Variants in METTL15 observed in about 807,000 individuals in gnomAD.
METTL15 encodes methyltransferase 15, mitochondrial 12S rRNA N4-cytidine, also known as 12S rRNA N(4)-cytidine methyltransferase METTL15.
In METTL15, 34 loss-of-function variants were observed where a neutral mutation model predicts 38.3. The ratio of observed to expected loss-of-function variants is 0.89; its 90% confidence interval spans 0.68 to 1.18. The LOEUF is 1.18. Ranked by LOEUF, METTL15 falls within the 50% of genes most tolerant of loss-of-function variation. The probability of loss-of-function intolerance (pLI) is 0.00; values close to 1 mark genes in which losing one functional copy is unlikely to be tolerated. For missense variants in METTL15, 438 were observed against 498.4 expected, an observed-to-expected ratio of 0.88 and a Z score of 1.15; for synonymous variants, 162 against 170.9, an observed-to-expected ratio of 0.95 and a Z score of 0.41.
chr11:28,393,324 A>T (rs1354680557), intron 5 of METTL15, among the ~76,000 whole-genome samples: 1 of 152,176 alleles, frequency 6.6e-6, no homozygotes, highest in East Asian at 1.9e-4. Context: ...GTATATACAT[A>T]CAATGAAATA....
intron 6 of METTL15, among the ~76,000 whole-genome samples, chr11:28,479,673 C>A (rs1034115701): frequency 1.3e-5 from 2 of 152,072 alleles, no homozygotes; most frequent in Non-Finnish European, 2.9e-5. Context: ...TATTCTCTTT[C>A]TTATTTGTAA....
At chr11:28,198,718 G>T (rs2133816047) in intron 3 of METTL15, among the ~76,000 whole-genome samples, 1 of 152,162 alleles carries the variant, frequency 6.6e-6, no homozygotes, top group Middle Eastern at 3.4e-3. Flanking sequence ...CAAGGGTTTT[G>T]GTAGGAGAAA....
chr11:28,301,638 ATCT>A (rs1856916187), intron 6 of METTL15, among the ~76,000 whole-genome samples: 1 of 152,164 alleles, frequency 6.6e-6, no homozygotes, highest in East Asian at 1.9e-4. Flanking sequence ...AAATAATTTT[ATCT>A]TCATTACATG....
chr11:28,456,303 C>G (rs1164789910), intron 6 of METTL15, among the ~76,000 whole-genome samples: 2 of 152,132 alleles, frequency 1.3e-5, no homozygotes, highest in Non-Finnish European at 2.9e-5. Context: ...CTGCCATGTC[C>G]CACTGCTACT....
downstream of METTL15, among the ~76,000 whole-genome samples, chr11:28,338,410 C>CAAGATTTGATCTCTACCTGATCTG: frequency 6.6e-6 from 1 of 152,274 alleles, no homozygotes; most frequent in Non-Finnish European, 1.5e-5. Context: ...CCATCTTTAG[C>CAAGATTTGATCTCTACCTGATCTG]TACCTGATCT....
intron 3 of METTL15, among the ~76,000 whole-genome samples, chr11:28,158,856 C>T (rs770916334): frequency 1.3e-5 from 2 of 152,110 alleles, no homozygotes; most frequent in South Asian, 2.1e-4. Context: ...ATTACAATGC[C>T]AACTAGGTGA....
chr11:28,118,262 A>G (rs767054548), intron 3 of METTL15, among the ~76,000 whole-genome samples: 226 of 152,298 alleles, frequency 1.5e-3, no homozygotes, highest in Non-Finnish European at 2.5e-3. Flanking sequence ...CTTTAGCATC[A>G]TAGCTAGTTT....
intron 5 of METTL15, among the ~76,000 whole-genome samples, chr11:28,388,553 T>C (rs1850465414): frequency 6.6e-6 from 1 of 152,156 alleles, no homozygotes; most frequent in African/African-American, 2.4e-5. Flanking sequence ...AAAGCAATAC[T>C]AAAAGAAACA....
At chr11:28,126,982 A>G (rs1484077678) in intron 3 of METTL15, among the ~76,000 whole-genome samples, 1 of 152,136 alleles carries the variant, frequency 6.6e-6, no homozygotes, top group Admixed American at 6.6e-5. Context: ...CATTTCAAAG[A>G]GGAAAGGGAA....
At chr11:28,367,701 C>T (rs530459876) in intron 5 of METTL15, among the ~76,000 whole-genome samples, 1 of 152,166 alleles carries the variant, frequency 6.6e-6, no homozygotes, top group Non-Finnish European at 1.5e-5. Context: ...TCAAACTATA[C>T]TACAAGGCTA....
intron 6 of METTL15, among the ~76,000 whole-genome samples, chr11:28,448,786 C>A (rs890073540): frequency 6.6e-6 from 1 of 152,134 alleles, no homozygotes; most frequent in African/African-American, 2.4e-5. Context: ...AGTTCCCCCA[C>A]CCCACCACCA....
intron 4 of METTL15, among the ~76,000 whole-genome samples, chr11:28,353,195 G>A (rs970874512): frequency 1.4e-4 from 22 of 152,124 alleles, no homozygotes; most frequent in African/African-American, 5.3e-4. Flanking sequence ...AGTATGAAAG[G>A]GGGTGATGAC....
chr11:28,402,586 G>C (rs1416967989), intron 5 of METTL15, among the ~76,000 whole-genome samples: 2 of 151,706 alleles, frequency 1.3e-5, no homozygotes, highest in Non-Finnish European at 2.9e-5. Context: ...CTGGACCCTT[G>C]CATCTGTCAC....
At chr11:28,473,330 T>G (rs1851317818) in intron 6 of METTL15, among the ~76,000 whole-genome samples, 1 of 152,116 alleles carries the variant, frequency 6.6e-6, no homozygotes, top group Non-Finnish European at 1.5e-5. Context: ...CCTGGGAGAA[T>G]ACAGTTAAAA....
rs557321369 is a variant in METTL15 at position 28,244,249 on chromosome 11, A to G, written c.407+33051A>G. On this transcript the variant is annotated intron_variant, in intron 4 of 6. Coordinates refer to ENST00000407364, the MANE Select transcript of METTL15 (RefSeq NM_001113528.2). Reference sequence around the variant, plus strand: ...TCATTTTCTTTTTCTTTGCCTGGTAAGTGTATGCAAGAGTATCCATTTAAT... The same window carrying G: ...TCATTTTCTTTTTCTTTGCCTGGTAGGTGTATGCAAGAGTATCCATTTAAT... 9.2e-5 allele frequency among the ~76,000 whole-genome samples: 14 copies of G among 152,330 alleles called. No homozygotes were observed. The East Asian group carries it at 2.7e-3, about 29-fold the overall frequency.
intron 3 of METTL15, among the ~76,000 whole-genome samples, chr11:28,119,991 G>A (rs980040057): frequency 5.9e-5 from 9 of 152,004 alleles, no homozygotes; most frequent in Non-Finnish European, 1.0e-4. Flanking sequence ...TCACTCTGTC[G>A]CCCAGGCTGG....
At chr11:28,411,273 A>G (rs948919894) in intron 5 of METTL15, among the ~76,000 whole-genome samples, 3 of 152,026 alleles carry the variant, frequency 2.0e-5, no homozygotes, top group African/African-American at 4.8e-5. Flanking sequence ...CTACAAAAAA[A>G]TCGCCAATAG....
intron 3 of METTL15, among the ~76,000 whole-genome samples, chr11:28,342,624 G>A (rs1470533418): frequency 6.6e-6 from 1 of 152,062 alleles, no homozygotes; most frequent in Non-Finnish European, 1.5e-5. Context: ...TTTAAAAAAT[G>A]GAATCAGTTT....
intron 5 of METTL15, among the ~76,000 whole-genome samples, chr11:28,293,894 G>T (rs1057244029): frequency 6.6e-6 from 1 of 152,058 alleles, no homozygotes. Context: ...TGTGATTTTT[G>T]CACATTGATT....
Sources: allele counts gnomAD v4.1 joint callset (sites outside exome capture counted in the v4.1 genomes callset), GRCh38; gene constraint gnomAD v4.1.1; transcripts MANE v1.5; gene names NCBI Gene and HGNC (gene_info 2026-07-23, HGNC 2026-07-21).